CCP110: variants seen among roughly 807,000 people sequenced by gnomAD.
The protein encoded by CCP110 is centriolar coiled-coil protein 110.
A neutral mutation model predicts 105.5 loss-of-function variants in CCP110; 43 were observed. The observed-to-expected ratio is 0.41, with a 90% CI of 0.32 to 0.53. CCP110 has a LOEUF of 0.53. CCP110 is among the 20% of genes least tolerant of loss of function. The probability of loss-of-function intolerance (pLI) is 0.32; values close to 1 mark genes in which losing one functional copy is unlikely to be tolerated. For synonymous variants in CCP110, 353 were observed against 392.1 expected, an observed-to-expected ratio of 0.90 and a Z score of 1.18; for missense variants, 1,016 against 1,189.1, an observed-to-expected ratio of 0.85 and a Z score of 2.14.
chr16:19,532,352 C>T, intron 2 of CCP110, 64 bp from the exon 3 acceptor site: 1 of 1,406,982 alleles, frequency 7.1e-7, no homozygotes, highest in East Asian at 2.4e-5. Flanking sequence ...TTCTGATTCA[C>T]AACTTCCCGA....
chr16:19,543,817 T>TCCAC (rs1305441341), intron 8 of CCP110, among the ~76,000 whole-genome samples: 1 of 152,140 alleles, frequency 6.6e-6, no homozygotes, highest in Non-Finnish European at 1.5e-5. Flanking sequence ...ATTGGGAAAT[T>TCCAC]CCACCCTGGT....
At chr16:19,530,533 C>T (rs1969828057) in intron 2 of CCP110, among the ~76,000 whole-genome samples, 1 of 151,736 alleles carries the variant, frequency 6.6e-6, no homozygotes, top group Admixed American at 6.6e-5. Flanking sequence ...GTAATCCCAG[C>T]TATGTGGGAG....
chr16:19,540,757 G>A (rs533888928), exon 5 of CCP110: 1 of 1,613,836 alleles, frequency 6.2e-7, no homozygotes, highest in Admixed American at 1.7e-5. Flanking sequence ...TCATAGCTGA[G>A]CAGGAAAGGG....
exon 4 of CCP110, chr16:19,537,035 G>A (rs1325212813): frequency 1.9e-6 from 3 of 1,614,176 alleles, no homozygotes; most frequent in Admixed American, 3.3e-5. Context: ...TGTGGTTTTA[G>A]GTAAATCAAA....
intron 8 of CCP110, among the ~76,000 whole-genome samples, chr16:19,544,127 C>T (rs2005687): frequency 0.16 from 24,701 of 152,046 alleles, 2,989 homozygotes; most frequent in East Asian, 0.39. Flanking sequence ...CCCCCTCGGA[C>T]GCCCAGCAGT....
At chr16:19,547,007 T>G (rs1181049097) in intron 12 of CCP110, 5 of 152,584 alleles carry the variant, frequency 3.3e-5, no homozygotes, top group Non-Finnish European at 7.3e-5. Flanking sequence ...GCCCGGACCT[T>G]TTGTAGGACA....
intron 3 of CCP110, among the ~76,000 whole-genome samples, chr16:19,535,696 C>A (rs1220035403): frequency 6.6e-6 from 1 of 151,238 alleles, no homozygotes; most frequent in African/African-American, 2.4e-5. Flanking sequence ...TTAGATGTTT[C>A]TTTTTATAAC....
intron 11 of CCP110, 108 bp from the exon 12 acceptor site, chr16:19,546,304 C>A: frequency 1.5e-6 from 1 of 671,824 alleles, no homozygotes; most frequent in African/African-American, 1.8e-5. Context: ...TCCAGTAGTA[C>A]ACCAGCTTCT....
chr16:19,537,052 A>G (rs1970092863), exon 4 of CCP110: 1 of 1,614,230 alleles, frequency 6.2e-7, no homozygotes. Flanking sequence ...CAAATCAGGT[A>G]TGTCAATCTT....
At chr16:19,528,910 A>T (rs1969769284) in intron 2 of CCP110, among the ~76,000 whole-genome samples, 1 of 152,118 alleles carries the variant, frequency 6.6e-6, no homozygotes, top group Non-Finnish European at 1.5e-5. Flanking sequence ...AAAAAACTCC[A>T]GCCTGGGCTA....
chr16:19,545,292 G>A, intron 10 of CCP110, 82 bp downstream of exon 10: 1 of 660,164 alleles, frequency 1.5e-6, no homozygotes, highest in Non-Finnish European at 2.6e-6. Flanking sequence ...GTTGACTTCA[G>A]CACCCTTCTT....
At chr16:19,536,129 T>C in exon 4 of CCP110, 1 of 1,614,062 alleles carries the variant, frequency 6.2e-7, no homozygotes, top group Non-Finnish European at 8.5e-7. Flanking sequence ...TGAGGACCAA[T>C]GTAAAACTGA....
chr16:19,528,132 G>C, intron 2 of CCP110, 110 bp downstream of exon 2: 1 of 856,290 alleles, frequency 1.2e-6, no homozygotes, highest in Non-Finnish European at 1.7e-6. Flanking sequence ...CCCTCATTCA[G>C]AATTAGAGAA....
intron 3 of CCP110, among the ~76,000 whole-genome samples, chr16:19,534,380 T>G (rs920281653): frequency 6.6e-6 from 1 of 152,156 alleles, no homozygotes; most frequent in African/African-American, 2.4e-5. Flanking sequence ...ATAGGAAAAT[T>G]TTATATAATA....
At position 19,542,775 on chromosome 16, in the gene CCP110, T is replaced by C; in HGVS notation, c.2367+15T>C. ...GATGGTCTCAAGTGGGTAAACTTAATGATACATGTCCATCTATCTATTTAT... is the reference window on the plus strand; with the variant it reads ...GATGGTCTCAAGTGGGTAAACTTAACGATACATGTCCATCTATCTATTTAT... On this transcript the variant is annotated intron_variant, in intron 7 of 14. Transcript: ENST00000381396. The C allele has an allele frequency of 1.2e-6, 2 of 1,604,210 alleles. No homozygotes were observed. The highest frequency in any genetic ancestry group is 2.7e-5 in the African/African-American group (2 of 74,892).
At chr16:19,525,171 C>G (rs1969626959) in intron 1 of CCP110, 3 of 152,166 alleles carry the variant, frequency 2.0e-5, no homozygotes, top group Admixed American at 2.0e-4. Context: ...AAAGCAGGAT[C>G]TGTTCTGTGT....
At chr16:19,536,075 G>T (rs777629097) in exon 4 of CCP110, 2 of 1,614,064 alleles carry the variant, frequency 1.2e-6, no homozygotes, top group African/African-American at 1.3e-5. Flanking sequence ...ACACTCTACT[G>T]CAGCAAAGCT....
At chr16:19,540,533 T>G (rs1970239816) in intron 4 of CCP110, 124 bp from the exon 5 acceptor site, 1 of 780,028 alleles carries the variant, frequency 1.3e-6, no homozygotes, top group South Asian at 1.8e-5. Flanking sequence ...CAGCTATATC[T>G]TGATTGTATT....
chr16:19,541,649 G>GGA lies in CCP110; in HGVS notation c.2050-205_2050-204dup, dbSNP rs142905705. 4.4e-3 allele frequency among the ~76,000 whole-genome samples: 564 copies of GGA among 128,892 alleles called. 4 individuals are homozygous for GGA. The highest frequency in any genetic ancestry group is 0.022 in the East Asian group (96 of 4,436). The allele number at this position is 128,892 out of a possible 152,430, so 84.6% of individuals were successfully genotyped here. Reference sequence around the variant, plus strand: ...TCTTGAAACAAGAAAGAGAGAGAGAGGAGAGAGAGAGAGAGAGAGAGAGAG... The same window carrying GGA: ...TCTTGAAACAAGAAAGAGAGAGAGAGGAGAGAGAGAGAGAGAGAGAGAGAGAG... On this transcript the variant is annotated intron_variant, in intron 5 of 14. Transcript: ENST00000381396.
Sources: gnomAD v4.1 joint callset for allele counts (sites outside exome capture counted in the v4.1 genomes callset) on GRCh38, gnomAD v4.1.1 for gene constraint, MANE v1.5 for transcripts, NCBI Gene and HGNC (gene_info 2026-07-23, HGNC 2026-07-21) for gene names.